SLC30A6: variants seen among roughly 807,000 people sequenced by gnomAD.
The protein encoded by SLC30A6 is solute carrier family 30 member 6, also known as zinc transporter 6.
SLC30A6 carries 55 observed loss-of-function variants against 63.0 expected under a neutral mutation model. That is an observed-to-expected ratio of 0.87 (90% CI 0.70 to 1.09). The LOEUF is 1.09. SLC30A6 is among the 50% of genes least tolerant of loss of function. The pLI is 0.00. For missense variants in SLC30A6, 587 were observed against 549.2 expected (o/e 1.07, Z -0.69); for synonymous variants, 224 against 186.1 (o/e 1.20, Z -1.66).
chr2:32,196,964 G>C (rs966994545), intron 8 of SLC30A6, among the ~76,000 whole-genome samples: 3 of 152,208 alleles, frequency 2.0e-5, no homozygotes, highest in African/African-American at 7.2e-5. Flanking sequence ...GGAGGCTGAG[G>C]CAGGAGAATT....
intron 10 of SLC30A6, chr2:32,203,201 G>T (rs1684448345): frequency 1.8e-6 from 2 of 1,139,954 alleles, no homozygotes; most frequent in African/African-American, 3.0e-5. Context: ...CTCCTCCTCA[G>T]GATGTTGAGT....
rs770529352 is a variant in SLC30A6, at chr2:32,165,895, C to G, written c.-6C>G. On this transcript the variant is annotated 5_prime_UTR_variant, in exon 1 of 14. Transcript: ENST00000282587. ...GCTTCCGGCGGGAGCTGTGCAGCTC[C>G]TTATCATGGTGAGTTGGCTGTTGGG... is the stretch of plus-strand genomic sequence containing the variant. 15 of 1,614,170 alleles carry G rather than the reference C, an allele frequency of 9.3e-6. No homozygotes were observed. Among genetic ancestry groups the G allele is most frequent in the Middle Eastern group, 1.7e-4 (1 of 6,056 alleles).
intron 1 of SLC30A6, among the ~76,000 whole-genome samples, chr2:32,167,295 G>A (rs953636748): frequency 2.6e-5 from 4 of 151,346 alleles, no homozygotes; most frequent in Non-Finnish European, 5.9e-5. Flanking sequence ...GGCTGATCGC[G>A]AACTCCTGAC....
intron 10 of SLC30A6, among the ~76,000 whole-genome samples, chr2:32,200,619 G>C (rs1420991366): frequency 4.6e-5 from 7 of 151,084 alleles, no homozygotes; most frequent in Non-Finnish European, 8.8e-5. Flanking sequence ...TAAGGGCGGT[G>C]CAAGATGTGC....
At position 32,192,920 on chromosome 2, in the gene SLC30A6, C is replaced by T; in HGVS notation, c.368C>T (p.Ala123Val). 6.6e-7 allele frequency: 1 copy of T among 1,522,858 alleles called. No individual in the cohort carries two copies. The highest frequency in any genetic ancestry group is 1.3e-5 in the South Asian group (1 of 78,126). The allele number at this position is 1,522,858 out of a possible 1,614,324, so 94.3% of individuals were successfully genotyped here. Residue 123 changes from alanine to valine, a missense_variant and splice_region_variant, in exon 7 of 14, where the codon GCA becomes GTA. Physicochemically the swap from Ala to Val is moderately conservative, Grantham distance 64. Coordinates refer to ENST00000282587, the MANE Select transcript of SLC30A6 (RefSeq NM_017964.5). ...LGALFILKES[A>V]ERFLEQPEIH... ...TAATATATTTTTATTTCTTATAGTG[C>T]AGAACGCTTTTTGGAACAGCCCGAG...
At chr2:32,209,622 C>G in intron 13 of SLC30A6, 61 bp downstream of exon 13, 1 of 1,379,744 alleles carries the variant, frequency 7.2e-7, no homozygotes. Context: ...ATTTTTAAAA[C>G]TGAAAAAAAA....
Position 32,220,477 on chromosome 2 carries a change from C to T in SLC30A6, c.1150C>T (p.Pro384Ser). 2 of 1,614,192 alleles carry T rather than the reference C, an allele frequency of 1.2e-6. No individual in the cohort carries two copies. Among genetic ancestry groups the T allele is most frequent in the Non-Finnish European group, 1.7e-6 (2 of 1,180,036 alleles). ...TSTPAKPSSP[P>S]PEFSFNTPGK... ...AACTCCAGCTAAACCTAGTAGTCCA[C>T]CTCCAGAATTTTCATTTAACACTCC... The change falls in exon 14 of 14, where the codon CCT becomes TCT. Residue 384 changes from proline to serine, a missense_variant. Physicochemically the swap from Pro to Ser is moderately conservative, Grantham distance 74 (BLOSUM62 -1). Transcript: ENST00000282587.
chr2:32,165,870 G>C lies in SLC30A6; in HGVS notation c.-31G>C, dbSNP rs1418012569. The C allele has an allele frequency of 6.2e-7, 1 of 1,613,944 alleles. No homozygotes were observed. Among genetic ancestry groups the C allele is most frequent in the East Asian group, 2.2e-5 (1 of 44,864 alleles). ...TGGGAAAACTCGAGCACCCAGAACGGCTTCCGGCGGGAGCTGTGCAGCTCC... is the reference window on the plus strand; with the variant it reads ...TGGGAAAACTCGAGCACCCAGAACGCCTTCCGGCGGGAGCTGTGCAGCTCC... On this transcript the variant is annotated 5_prime_UTR_variant, in exon 1 of 14. Coordinates refer to ENST00000282587, the MANE Select transcript of SLC30A6 (RefSeq NM_017964.5).
chr2:32,194,794 T>G (rs1558400782), intron 8 of SLC30A6, among the ~76,000 whole-genome samples: 1 of 152,198 alleles, frequency 6.6e-6, no homozygotes, highest in Non-Finnish European at 1.5e-5. Context: ...AAAGAAGTAC[T>G]GCATGAATTA....
chr2:32,207,069 G>A, intron 12 of SLC30A6, 136 bp downstream of exon 12: 1 of 673,014 alleles, frequency 1.5e-6, no homozygotes, highest in Non-Finnish European at 2.6e-6. Context: ...AACATACTAG[G>A]AGCCATAATA....
At chr2:32,219,818 T>C (rs1686018252) in intron 13 of SLC30A6, among the ~76,000 whole-genome samples, 1 of 152,232 alleles carries the variant, frequency 6.6e-6, no homozygotes, top group African/African-American at 2.4e-5. Context: ...CAGTGTGGAA[T>C]GCGTCTCTAC....
chr2:32,220,767 T>G lies in SLC30A6; in HGVS notation c.*54T>G. On this transcript the variant is annotated 3_prime_UTR_variant, in exon 14 of 14. Transcript: ENST00000282587. ...ATTGACTCCTTGGCTTCCAATTTAT[T>G]TAGTAATCCAACTTTGCATTGACTG... 6.7e-7 allele frequency: 1 copy of G among 1,488,482 alleles called. No individual in the cohort carries two copies. The highest frequency in any genetic ancestry group is 9.1e-7 in the Non-Finnish European group (1 of 1,097,994). 92.2% of individuals were successfully genotyped at this position (1,488,482 alleles called of 1,614,324 possible).
At chr2:32,197,497 A>G (rs1482100121) in intron 9 of SLC30A6, 105 bp downstream of exon 9, 1 of 1,280,880 alleles carries the variant, frequency 7.8e-7, no homozygotes, top group African/African-American at 1.5e-5. Context: ...TACTACGTGA[A>G]TCACACAGGT....
intron 11 of SLC30A6, among the ~76,000 whole-genome samples, chr2:32,206,091 A>G (rs1362094252): frequency 2.6e-5 from 4 of 152,172 alleles, no homozygotes; most frequent in South Asian, 4.1e-4. Flanking sequence ...TTTCAAACTT[A>G]AAATCTTAAA....
intron 11 of SLC30A6, 74 bp downstream of exon 11, chr2:32,204,766 T>A: frequency 1.3e-6 from 1 of 775,166 alleles, no homozygotes; most frequent in Non-Finnish European, 2.0e-6. Flanking sequence ...TTGTATGTGT[T>A]GTTCTACAAG....
At chr2:32,182,506 G>C (rs1384648767) in intron 4 of SLC30A6, among the ~76,000 whole-genome samples, 1 of 152,140 alleles carries the variant, frequency 6.6e-6, no homozygotes, top group East Asian at 1.9e-4. Flanking sequence ...GGGAGCAAAG[G>C]TGTAGGATAC....
At chr2:32,199,979 G>C (rs972140901) in intron 10 of SLC30A6, among the ~76,000 whole-genome samples, 1 of 152,012 alleles carries the variant, frequency 6.6e-6, no homozygotes. Context: ...GCTGGGCGTG[G>C]TGATGCACAC....
In SLC30A6 at chr2:32,215,874, A is replaced by G. The variant is rs80331961; in HGVS notation, c.886-4339A>G. Among the ~76,000 whole-genome samples the G allele has an allele frequency of 1.4e-3, 140 of 102,714 alleles. 1 individual carries two copies. Among genetic ancestry groups the G allele is most frequent in the Middle Eastern group, 4.6e-3 (1 of 218 alleles). 67.4% of individuals were successfully genotyped at this position (102,714 alleles called of 152,430 possible). Reference sequence around the variant, plus strand: ...TGTGTGCCTGGCTAATTTATTTTTTATAACGATAGAGTCTTGCTATGTGGT... The same window carrying G: ...TGTGTGCCTGGCTAATTTATTTTTTGTAACGATAGAGTCTTGCTATGTGGT... On this transcript the variant is annotated intron_variant, in intron 13 of 13. Transcript: ENST00000282587.
intron 1 of SLC30A6, 87 bp downstream of exon 1, chr2:32,165,990 C>T: frequency 6.3e-7 from 1 of 1,586,186 alleles, no homozygotes; most frequent in Non-Finnish European, 8.7e-7. Flanking sequence ...AATCCCTCAG[C>T]CACCCAGAGG....
Sources: gnomAD v4.1 joint callset for allele counts (sites outside exome capture counted in the v4.1 genomes callset) on GRCh38, gnomAD v4.1.1 for gene constraint, MANE v1.5 for transcripts, NCBI Gene and HGNC (gene_info 2026-07-23, HGNC 2026-07-21) for gene names.